ESR1: variants seen among roughly 807,000 people sequenced by gnomAD.
ESR1 encodes the protein estrogen receptor 1, also known as estrogen receptor.
In ESR1, 12 loss-of-function variants were observed where a neutral mutation model predicts 52.7. That is an observed-to-expected ratio of 0.23 (90% CI 0.15 to 0.37). The LOEUF is 0.37. Among genes scored for constraint, ESR1 ranks in the 10% least tolerant of loss-of-function variants. The pLI is 1.00. For missense variants in ESR1, 584 were observed against 779.7 expected (o/e 0.75, Z 2.99); for synonymous variants, 305 against 316.8 (o/e 0.96, Z 0.39).
intron 6 of ESR1, among the ~76,000 whole-genome samples, chr6:152,093,917 A>C (rs2050404736): frequency 6.6e-6 from 1 of 152,118 alleles, no homozygotes; most frequent in Non-Finnish European, 1.5e-5. Flanking sequence ...TGGAGTCAGC[A>C]GATTGGGTTT....
At chr6:151,841,435 TCTTTG>T (rs1429849479) in intron 1 of ESR1, among the ~76,000 whole-genome samples, 1 of 152,216 alleles carries the variant, frequency 6.6e-6, no homozygotes, top group Non-Finnish European at 1.5e-5. Flanking sequence ...ACTTAACCAG[TCTTTG>T]CTTTGTTGGA....
chr6:151,991,515 A>G (rs1000422739), intron 4 of ESR1, among the ~76,000 whole-genome samples: 1 of 152,098 alleles, frequency 6.6e-6, no homozygotes, highest in Non-Finnish European at 1.5e-5. Flanking sequence ...AGAATAGTAT[A>G]TGATTAGGAA....
chr6:151,854,749 A>G (rs1238338716), intron 2 of ESR1, among the ~76,000 whole-genome samples: 2 of 152,306 alleles, frequency 1.3e-5, no homozygotes, highest in Middle Eastern at 3.4e-3. Flanking sequence ...ATGATTTAAA[A>G]GAATGCCTGC....
chr6:151,853,322 A>G (rs1364961374), intron 2 of ESR1, among the ~76,000 whole-genome samples: 1 of 152,144 alleles, frequency 6.6e-6, no homozygotes, highest in Non-Finnish European at 1.5e-5. Context: ...AAGACACACC[A>G]TGAAAGTCAA....
chr6:152,063,273 A>C lies in ESR1; in HGVS notation c.1369+2149A>C, dbSNP rs566461769. 2.6e-5 allele frequency among the ~76,000 whole-genome samples: 4 copies of C among 152,310 alleles called. No homozygotes were observed. The South Asian group carries it at 8.3e-4, about 32-fold the overall frequency. Reference sequence around the variant, plus strand: ...AAACGCTATTGTAGAAATTCAAGGCACTGTATGCTGACATAGTTTATAGTT... The same window carrying C: ...AAACGCTATTGTAGAAATTCAAGGCCCTGTATGCTGACATAGTTTATAGTT... On this transcript the variant is annotated intron_variant, in intron 6 of 7. Coordinates refer to ENST00000206249, the MANE Select transcript of ESR1 (RefSeq NM_000125.4).
intron 2 of ESR1, among the ~76,000 whole-genome samples, chr6:151,766,531 C>T (rs775241683): frequency 7.9e-5 from 12 of 151,932 alleles, no homozygotes; most frequent in Non-Finnish European, 1.5e-4. Flanking sequence ...AAATCACACG[C>T]CTCTTTTTTT....
intron 7 of ESR1, among the ~76,000 whole-genome samples, chr6:152,096,039 T>A (rs1372527741): frequency 2.0e-5 from 3 of 152,226 alleles, no homozygotes; most frequent in Non-Finnish European, 2.9e-5. Context: ...ACCATTCCCA[T>A]AAGTAGACCT....
At chr6:151,858,599 A>T (rs1467446529) in intron 2 of ESR1, among the ~76,000 whole-genome samples, 8 of 139,950 alleles carry the variant, frequency 5.7e-5, no homozygotes, top group Non-Finnish European at 4.7e-5. Context: ...TTTTTTTTTT[A>T]AAGCATTTTA....
At position 152,066,687 on chromosome 6, in the gene ESR1, T is replaced by C. The variant is rs2047991241; in HGVS notation, c.1369+5563T>C. On this transcript the variant is annotated intron_variant, in intron 6 of 7. Transcript: ENST00000206249. ...GGCAGCCACTCAACTTTGGAGCCTT[T>C]CTCTGCTACCAACTTTTGGTGTTGC... is the stretch of plus-strand genomic sequence containing the variant. 2.6e-5 allele frequency among the ~76,000 whole-genome samples: 4 copies of C among 152,226 alleles called. No individual in the cohort carries two copies. In the South Asian group the frequency reaches 8.3e-4, roughly 32 times the overall value.
At chr6:152,075,051 C>T (rs967009554) in intron 6 of ESR1, among the ~76,000 whole-genome samples, 16 of 152,194 alleles carry the variant, frequency 1.1e-4, no homozygotes, top group Non-Finnish European at 1.5e-5. Context: ...TCTTCTCATT[C>T]TCTGGAGATC....
intron 2 of ESR1, among the ~76,000 whole-genome samples, chr6:151,850,027 A>AT (rs1398325542): frequency 1.5e-5 from 1 of 68,766 alleles, no homozygotes; most frequent in African/African-American, 6.0e-5. Context: ...TATATACAAA[A>AT]TTATATATAT....
At chr6:151,910,843 G>T (rs776466834) in intron 3 of ESR1, among the ~76,000 whole-genome samples, 5 of 152,014 alleles carry the variant, frequency 3.3e-5, no homozygotes, top group Non-Finnish European at 5.9e-5. Flanking sequence ...TTAATGCAGC[G>T]GTCCCCAAAC....
At chr6:151,916,561 AG>A (rs2030254319) in intron 3 of ESR1, among the ~76,000 whole-genome samples, 1 of 152,276 alleles carries the variant, frequency 6.6e-6, no homozygotes, top group Admixed American at 6.5e-5. Flanking sequence ...CAGATTAGTG[AG>A]AAGAGTGAGA....
At chr6:152,057,591 T>A (rs138015888) in intron 5 of ESR1, among the ~76,000 whole-genome samples, 4 of 152,168 alleles carry the variant, frequency 2.6e-5, no homozygotes, top group Non-Finnish European at 4.4e-5. Flanking sequence ...AGCACATGTG[T>A]TTGCATGGAA....
At chr6:151,745,081 C>G (rs1783387492) in intron 2 of ESR1, among the ~76,000 whole-genome samples, 1 of 152,168 alleles carries the variant, frequency 6.6e-6, no homozygotes, top group African/African-American at 2.4e-5. Flanking sequence ...AGTTATTCAT[C>G]TTATACACAG....
At chr6:151,926,213 T>A (rs546115394) in intron 3 of ESR1, among the ~76,000 whole-genome samples, 6 of 152,328 alleles carry the variant, frequency 3.9e-5, no homozygotes, top group African/African-American at 1.4e-4. Flanking sequence ...CTTTAACCAG[T>A]ACCATACTGC....
At chr6:152,108,091 C>T (rs956900439), downstream of ESR1, among the ~76,000 whole-genome samples, 22 of 152,154 alleles carry the variant, frequency 1.4e-4, no homozygotes, top group African/African-American at 4.8e-4. Flanking sequence ...TGCACACAGC[C>T]GTCATGGTCA....
At chr6:152,010,895 T>TTCC (rs1174192034) in intron 4 of ESR1, among the ~76,000 whole-genome samples, 2 of 148,500 alleles carry the variant, frequency 1.3e-5, no homozygotes, top group Non-Finnish European at 3.0e-5. Flanking sequence ...CTTCTTCTTC[T>TTCC]TCCTCCTCCT....
chr6:151,667,436 C>A (rs940140087), intron 1 of ESR1, among the ~76,000 whole-genome samples: 7 of 152,134 alleles, frequency 4.6e-5, no homozygotes, highest in Non-Finnish European at 8.8e-5. Context: ...TTTTGACTTT[C>A]CAGACTTCAG....
Sources: allele counts gnomAD v4.1 joint callset (sites outside exome capture counted in the v4.1 genomes callset), GRCh38; gene constraint gnomAD v4.1.1; transcripts MANE v1.5; gene names NCBI Gene and HGNC (gene_info 2026-07-23, HGNC 2026-07-21).